COL25A1: variants seen among roughly 807,000 people sequenced by gnomAD.
The protein encoded by COL25A1 is collagen type XXV alpha 1 chain.
In COL25A1, 103 loss-of-function variants were observed where a neutral mutation model predicts 128.4. The observed-to-expected ratio is 0.80, with a 90% CI of 0.68 to 0.94. COL25A1 has a LOEUF of 0.94. Among genes scored for constraint, COL25A1 ranks in the 40% least tolerant of loss-of-function variants. The pLI, the probability that COL25A1 is intolerant of heterozygous loss-of-function variation, is 0.00. For missense variants in COL25A1, 745 were observed against 840.0 expected (o/e 0.89, Z 1.40); for synonymous variants, 279 against 277.2 (o/e 1.01, Z -0.06).
At chr4:109,084,429 G>A (rs1258853679) in intron 3 of COL25A1, among the ~76,000 whole-genome samples, 1 of 152,006 alleles carries the variant, frequency 6.6e-6, no homozygotes, top group Non-Finnish European at 1.5e-5. Context: ...CTCTCAAAAT[G>A]AAAAAAATCA....
intron 3 of COL25A1, among the ~76,000 whole-genome samples, chr4:109,233,255 A>T (rs1250907500): frequency 6.6e-6 from 1 of 152,156 alleles, no homozygotes; most frequent in African/African-American, 2.4e-5. Flanking sequence ...TTTATAATCA[A>T]CTACTTAATA....
At chr4:109,050,365 T>C (rs1473194635) in intron 3 of COL25A1, among the ~76,000 whole-genome samples, 186 bp from the exon 4 acceptor site, 1 of 152,178 alleles carries the variant, frequency 6.6e-6, no homozygotes, top group Non-Finnish European at 1.5e-5. Flanking sequence ...GTTCATTTAA[T>C]TATAAAAGCT....
intron 4 of COL25A1, among the ~76,000 whole-genome samples, chr4:109,048,676 C>CTTA (rs1760693713): frequency 6.6e-6 from 1 of 152,074 alleles, no homozygotes; most frequent in African/African-American, 2.4e-5. Flanking sequence ...TTCTTTAAAA[C>CTTA]CATCAAAACA....
chr4:108,934,379 A>G (rs890498853), intron 11 of COL25A1, among the ~76,000 whole-genome samples: 1 of 152,126 alleles, frequency 6.6e-6, no homozygotes, highest in Non-Finnish European at 1.5e-5. Flanking sequence ...AAAAATACCT[A>G]ATGTAAATGA....
Position 109,253,642 on chromosome 4 carries a change from A to G in COL25A1, c.367+46941T>C, listed in dbSNP as rs571670047. On this transcript the variant is annotated intron_variant, in intron 3 of 37. Coordinates refer to ENST00000399132, the MANE Select transcript of COL25A1 (RefSeq NM_198721.4). Reference sequence around the variant, plus strand: ...CACACAAAATTAACTATCATACCATAGTTCAAAAATTCATAAACATTTACT... The same window carrying G: ...CACACAAAATTAACTATCATACCATGGTTCAAAAATTCATAAACATTTACT... Among the ~76,000 whole-genome samples the G allele has an allele frequency of 6.6e-5, 10 of 152,352 alleles. No homozygotes were observed. In the South Asian group the frequency reaches 2.1e-3, roughly 32 times the overall value.
chr4:108,965,167 T>G (rs1227543832), intron 8 of COL25A1, among the ~76,000 whole-genome samples: 1 of 152,250 alleles, frequency 6.6e-6, no homozygotes, highest in Non-Finnish European at 1.5e-5. Context: ...GTTTTTAAGA[T>G]GCTATCAGTT....
At position 109,063,243 on chromosome 4, in the gene COL25A1, C is replaced by T. The variant is rs570654426; in HGVS notation, c.368-13064G>A. 1.1e-3 allele frequency among the ~76,000 whole-genome samples: 171 copies of T among 152,260 alleles called. 1 individual carries two copies. Among genetic ancestry groups the T allele is most frequent in the African/African-American group, 3.9e-3 (164 of 41,546 alleles). On this transcript the variant is annotated intron_variant, in intron 3 of 37. Transcript: ENST00000399132. ...TCAATAAAAGGCTGGGTGCTCATGC[C>T]TATAATCCCAGCACTTTGGGAGGCC...
At chr4:109,170,050 T>C (rs1410313677) in intron 3 of COL25A1, among the ~76,000 whole-genome samples, 1 of 152,146 alleles carries the variant, frequency 6.6e-6, no homozygotes, top group Non-Finnish European at 1.5e-5. Flanking sequence ...TTTCTAGCTA[T>C]GAACATTGGT....
chr4:108,817,418 G>A lies in COL25A1; in HGVS notation c.1941C>T (p.Pro647=), dbSNP rs778601376. 2 of 1,613,282 alleles carry A rather than the reference G, an allele frequency of 1.2e-6. No individual in the cohort carries two copies. Among genetic ancestry groups the A allele is most frequent in the Non-Finnish European group, 1.7e-6 (2 of 1,179,404 alleles). Residue 647 remains proline, a synonymous_variant, in exon 37 of 38, where the codon CCC becomes CCT. Transcript: ENST00000399132. ...APCQLGPDGL[P]MPGCWQK is the part of the protein sequence containing the mutation. The stretch of plus-strand genomic sequence containing the variant: ...CTACCTTTTGCCAACAGCCAGGCAT[G>A]GGTAAGCCATCTGGCCCCTGTTTTA...
intron 3 of COL25A1, among the ~76,000 whole-genome samples, chr4:109,066,733 G>A (rs1370124689): frequency 4.6e-5 from 7 of 152,220 alleles, no homozygotes; most frequent in African/African-American, 1.7e-4. Context: ...CATGATCATA[G>A]CTCACTGCAG....
At chr4:108,861,930 TATGA>T (rs1177712976) in intron 22 of COL25A1, among the ~76,000 whole-genome samples, 17 of 152,238 alleles carry the variant, frequency 1.1e-4, no homozygotes, top group Non-Finnish European at 2.2e-4. Context: ...ATAAATTTGC[TATGA>T]ATGAAGCATT....
chr4:109,199,945 A>G (rs1345990638), intron 3 of COL25A1, among the ~76,000 whole-genome samples: 3 of 152,230 alleles, frequency 2.0e-5, no homozygotes, highest in Non-Finnish European at 4.4e-5. Context: ...GACTGTCAGC[A>G]AGAAATACAC....
At position 109,197,481 on chromosome 4, in the gene COL25A1, A is replaced by T. The variant is rs567402076; in HGVS notation, c.367+103102T>A. The stretch of plus-strand genomic sequence containing the variant: ...ATAAATATTATATATAATATATATT[A>T]TATATTATATATAAATATATATTAT... On this transcript the variant is annotated intron_variant, in intron 3 of 37. Coordinates refer to ENST00000399132, the MANE Select transcript of COL25A1 (RefSeq NM_198721.4). Among the ~76,000 whole-genome samples, 761 of 127,266 alleles carry T rather than the reference A, an allele frequency of 6.0e-3. 6 individuals are homozygous for T. Among genetic ancestry groups the T allele is most frequent in the African/African-American group, 0.022 (729 of 33,574 alleles). 83.5% of individuals were successfully genotyped at this position (127,266 alleles called of 152,430 possible).
At chr4:109,019,034 T>C (rs35152940) in intron 5 of COL25A1, among the ~76,000 whole-genome samples, 30,947 of 152,106 alleles carry the variant, frequency 0.2, 3,861 homozygotes, top group East Asian at 0.46. Context: ...ATCCTGGCTG[T>C]GTCTGTGTGG....
At chr4:108,956,587 G>A (rs1750100851) in intron 8 of COL25A1, among the ~76,000 whole-genome samples, 1 of 152,074 alleles carries the variant, frequency 6.6e-6, no homozygotes, top group African/African-American at 2.4e-5. Context: ...TGTATTTTTA[G>A]TAGAGACGGG....
chr4:109,132,727 T>C (rs1769342840), intron 3 of COL25A1, among the ~76,000 whole-genome samples: 2 of 152,134 alleles, frequency 1.3e-5, no homozygotes, highest in Admixed American at 6.5e-5. Context: ...AGTAATGACA[T>C]AGATTTTTTA....
At chr4:109,268,677 C>T (rs976811712) in intron 3 of COL25A1, among the ~76,000 whole-genome samples, 1 of 152,150 alleles carries the variant, frequency 6.6e-6, no homozygotes, top group Non-Finnish European at 1.5e-5. Flanking sequence ...TATGTATAAA[C>T]CAGAAGTAAT....
chr4:108,938,653 G>A lies in COL25A1; in HGVS notation c.673-810C>T, dbSNP rs1332356207. On this transcript the variant is annotated intron_variant, in intron 10 of 37. Coordinates refer to ENST00000399132, the MANE Select transcript of COL25A1 (RefSeq NM_198721.4). ...GGGCAGATCACGAGGTCAGGAGATC[G>A]AGACCATCTTGGCTAACATGGTGAA... Among the ~76,000 whole-genome samples the A allele has an allele frequency of 3.3e-5, 5 of 152,110 alleles. No individual in the cohort carries two copies. The East Asian group carries it at 7.7e-4, about 23-fold the overall frequency.
At chr4:109,066,565 C>A (rs1762470340) in intron 3 of COL25A1, among the ~76,000 whole-genome samples, 1 of 152,192 alleles carries the variant, frequency 6.6e-6, no homozygotes, top group Non-Finnish European at 1.5e-5. Context: ...CAATCTAATT[C>A]ATCTTTGAAC....
Sources: allele counts gnomAD v4.1 joint callset (sites outside exome capture counted in the v4.1 genomes callset), GRCh38; gene constraint gnomAD v4.1.1; transcripts MANE v1.5; gene names NCBI Gene and HGNC (gene_info 2026-07-23, HGNC 2026-07-21).